ACTR3B: variants seen among roughly 807,000 people sequenced by gnomAD.
ACTR3B encodes actin-related protein 3B.
Under a neutral mutation model 59.0 loss-of-function variants are expected in ACTR3B, and 8 were observed. The ratio of observed to expected loss-of-function variants is 0.14; its 90% CI spans 0.08 to 0.24. The LOEUF (loss-of-function observed/expected upper bound fraction) is 0.24. Among genes scored for constraint, ACTR3B ranks in the 10% least tolerant of loss-of-function variants. The pLI is 1.00. For missense variants in ACTR3B, 245 were observed against 552.3 expected (o/e 0.44, Z 5.58); for synonymous variants, 148 against 197.9 (o/e 0.75, Z 2.12).
At chr7:152,810,378 A>G (rs1215211473) in intron 4 of ACTR3B, among the ~76,000 whole-genome samples, 1 of 144,704 alleles carries the variant, frequency 6.9e-6, no homozygotes, top group East Asian at 2.1e-4. Flanking sequence ...AAGTGCTGGG[A>G]TTACAGGTGT....
chr7:152,850,763 A>T (rs902824636), intron 9 of ACTR3B, among the ~76,000 whole-genome samples: 12 of 151,392 alleles, frequency 7.9e-5, no homozygotes, highest in Admixed American at 1.3e-4. Context: ...AGAAAAGTGC[A>T]TTTTTTTTTC....
chr7:152,852,727 T>C (rs953409461), intron 10 of ACTR3B, among the ~76,000 whole-genome samples: 7 of 152,150 alleles, frequency 4.6e-5, no homozygotes, highest in African/African-American at 1.4e-4. Context: ...TGGGCTTCGA[T>C]AGGGGCAGTG....
intron 8 of ACTR3B, 102 bp downstream of exon 8, chr7:152,823,617 T>A (rs966596795): frequency 5.1e-5 from 71 of 1,379,790 alleles, no homozygotes; most frequent in Non-Finnish European, 5.9e-5. Context: ...GTGAGCAGGG[T>A]GGCCGTCATT....
chr7:152,800,679 T>C, intron 3 of ACTR3B, 24 bp downstream of exon 3: 1 of 1,612,012 alleles, frequency 6.2e-7, no homozygotes. Flanking sequence ...AGGTGTTTGC[T>C]TCTCTAAGTG....
chr7:152,786,984 A>T (rs1373117963), intron 2 of ACTR3B, among the ~76,000 whole-genome samples: 1 of 152,210 alleles, frequency 6.6e-6, no homozygotes, highest in Admixed American at 6.5e-5. Flanking sequence ...GTTATATAAA[A>T]TGGTGCAGTA....
chr7:152,853,208 G>T (rs1345381312), intron 10 of ACTR3B, among the ~76,000 whole-genome samples: 1 of 151,946 alleles, frequency 6.6e-6, no homozygotes, highest in African/African-American at 2.4e-5. Flanking sequence ...GGGGTTAATT[G>T]CTTGGATTTT....
At chr7:152,763,086 C>A (rs1199981442) in intron 1 of ACTR3B, among the ~76,000 whole-genome samples, 1 of 151,950 alleles carries the variant, frequency 6.6e-6, no homozygotes, top group African/African-American at 2.4e-5. Context: ...GAGGCCGAGG[C>A]GGGCGGATCA....
intron 1 of ACTR3B, among the ~76,000 whole-genome samples, chr7:152,763,491 T>G (rs1315585524): frequency 6.6e-6 from 1 of 152,020 alleles, no homozygotes; most frequent in African/African-American, 2.4e-5. Context: ...TGGCACAATC[T>G]CTGCTCACTG....
At chr7:152,761,416 A>C (rs2098088882) in intron 1 of ACTR3B, among the ~76,000 whole-genome samples, 1 of 152,198 alleles carries the variant, frequency 6.6e-6, no homozygotes, top group Admixed American at 6.5e-5. Context: ...GAACTATTAA[A>C]ATATAAAGGA....
chr7:152,826,987 A>T (rs548804362), intron 9 of ACTR3B, among the ~76,000 whole-genome samples: 5 of 152,080 alleles, frequency 3.3e-5, no homozygotes, highest in African/African-American at 1.2e-4. Flanking sequence ...AAAATTATGT[A>T]AAATGCGGAG....
chr7:152,835,204 C>T (rs1447791189), intron 9 of ACTR3B, among the ~76,000 whole-genome samples: 6 of 152,206 alleles, frequency 3.9e-5, no homozygotes, highest in South Asian at 2.1e-4. Context: ...TTCCTAGCAT[C>T]GTGACTGCAC....
intron 1 of ACTR3B, among the ~76,000 whole-genome samples, chr7:152,764,403 T>A (rs1371596078): frequency 6.6e-6 from 1 of 151,936 alleles, no homozygotes; most frequent in African/African-American, 2.4e-5. Flanking sequence ...GCCGAGGATG[T>A]GGATCACGAC....
intron 1 of ACTR3B, among the ~76,000 whole-genome samples, chr7:152,768,792 A>G (rs559964785): frequency 2.6e-5 from 4 of 151,284 alleles, no homozygotes; most frequent in South Asian, 4.2e-4. Context: ...TACAATCTTT[A>G]TAAGTTCTGA....
At chr7:152,828,517 C>T (rs1159008430) in intron 9 of ACTR3B, among the ~76,000 whole-genome samples, 1 of 151,992 alleles carries the variant, frequency 6.6e-6, no homozygotes, top group Admixed American at 6.6e-5. Flanking sequence ...TGCCCCGAAT[C>T]GTCTGTGTTA....
chr7:152,850,774 C>T (rs572788071), intron 9 of ACTR3B, among the ~76,000 whole-genome samples: 8 of 152,066 alleles, frequency 5.3e-5, no homozygotes, highest in South Asian at 2.1e-4. Context: ...TTTTTTTTTC[C>T]GTGCTGATTC....
At chr7:152,766,423 G>A (rs561899174) in intron 1 of ACTR3B, among the ~76,000 whole-genome samples, 1 of 152,182 alleles carries the variant, frequency 6.6e-6, no homozygotes, top group South Asian at 2.1e-4. Flanking sequence ...CAAGGCATTG[G>A]CATAAACCAC....
rs186165342 is a variant in ACTR3B at position 152,766,976 on chromosome 7, G to A, written c.44+7050G>A. ...TAATTTTTGTATTTTTAGTAGAGAA[G>A]GGGGTTTTACCATATTGGTCAGGCT... is the stretch of plus-strand genomic sequence containing the variant. On this transcript the variant is annotated intron_variant, in intron 1 of 11. Transcript: ENST00000256001. Among the ~76,000 whole-genome samples, 67 of 152,046 alleles carry A rather than the reference G, an allele frequency of 4.4e-4. 1 individual carries two copies. The highest frequency in any genetic ancestry group is 1.5e-3 in the African/African-American group (63 of 41,502).
intron 9 of ACTR3B, among the ~76,000 whole-genome samples, chr7:152,849,329 T>C (rs116134296): frequency 0.077 from 11,696 of 151,918 alleles, 674 homozygotes; most frequent in African/African-American, 0.16. Context: ...AGGAACGGGG[T>C]GGGGTGGGGG....
chr7:152,825,070 T>C lies in ACTR3B; in HGVS notation c.899T>C (p.Val300Ala). ...TTTATGGAGTCCATCTCAGATGTTGTTGATGAAGTAATACAGAACTGCCCC... is the reference window on the plus strand; with the variant it reads ...TTTATGGAGTCCATCTCAGATGTTGCTGATGAAGTAATACAGAACTGCCCC... ...PDFMESISDV[V>A]DEVIQNCPID... Residue 300 changes from valine (V) to alanine (A), a missense_variant, in exon 9 of 12, where the codon GTT (valine) becomes GCT (alanine). Physicochemically the swap from Val to Ala is moderately conservative, Grantham distance 64. This residue lies in a region of ACTR3B where 153 missense variants were observed against 266.2 expected (regional missense o/e 0.57). Coordinates refer to ENST00000256001, the MANE Select transcript of ACTR3B (RefSeq NM_020445.6). The C allele has an allele frequency of 8.1e-6, 13 of 1,613,932 alleles. No homozygotes were observed. The highest frequency in any genetic ancestry group is 1.1e-5 in the Non-Finnish European group (13 of 1,179,836).
Sources: allele counts gnomAD v4.1 joint callset (sites outside exome capture counted in the v4.1 genomes callset), GRCh38; gene constraint gnomAD v4.1.1; regional missense constraint gnomAD v4.1.1; transcripts MANE v1.5; gene names NCBI Gene and HGNC (gene_info 2026-07-23, HGNC 2026-07-21).